Variants in GRIA2 observed in about 807,000 individuals in gnomAD.
GRIA2 encodes the protein glutamate receptor 2.
GRIA2 carries 14 observed loss-of-function variants against 97.3 expected under a neutral mutation model. That is an observed-to-expected ratio of 0.14 (90% CI 0.10 to 0.23). The LOEUF is 0.23. Among genes scored for constraint, GRIA2 ranks in the 10% least tolerant of loss-of-function variants. The pLI is 1.00. For synonymous variants in GRIA2, 412 were observed against 387.8 expected (o/e 1.06, Z -0.73); for missense variants, 558 against 1,069.8 (o/e 0.52, Z 6.67).
chr4:157,280,261 G>A lies in GRIA2; in HGVS notation c.230-23291G>A, dbSNP rs1181724935. 2.0e-5 allele frequency among the ~76,000 whole-genome samples: 3 copies of A among 152,052 alleles called. No individual in the cohort carries two copies. In the East Asian group the frequency reaches 5.8e-4, roughly 29 times the overall value. ...ATACCCTTATTAATGAAATGTCAAG[G>A]AACTGTGATGCTTGAGAGTTGAAGA... On this transcript the variant is annotated intron_variant, in intron 2 of 15. Coordinates refer to ENST00000264426, the MANE Select transcript of GRIA2 (RefSeq NM_001083619.3).
At chr4:157,241,135 T>A (rs1561005890) in intron 2 of GRIA2, among the ~76,000 whole-genome samples, 3 of 152,144 alleles carry the variant, frequency 2.0e-5, no homozygotes, top group African/African-American at 7.2e-5. Context: ...GTAAATTATC[T>A]GAGTATTTGC....
At chr4:157,348,456 C>T (rs899111104) in intron 12 of GRIA2, among the ~76,000 whole-genome samples, 9 of 152,132 alleles carry the variant, frequency 5.9e-5, no homozygotes, top group African/African-American at 2.2e-4. Flanking sequence ...CCAGGCTGGT[C>T]TCGAGCTCCT....
rs1218234586 is a variant in GRIA2 at position 157,365,942 on chromosome 4, G to T, written c.*2511G>T. 2 of 151,500 alleles carry T rather than the reference G, an allele frequency of 1.3e-5. No individual in the cohort carries two copies. The highest frequency in any genetic ancestry group is 1.3e-4 in the Admixed American group (2 of 15,148). The allele number at this position is 151,500 out of a possible 1,614,324, so 9.4% of individuals were successfully genotyped here. A position where few individuals can be genotyped will look rare whatever the true frequency, so the allele number is the denominator to read the frequency against. On this transcript the variant is annotated 3_prime_UTR_variant, in exon 16 of 16. Coordinates refer to ENST00000264426, the MANE Select transcript of GRIA2 (RefSeq NM_001083619.3). ...TCTATAACTTCTATTGAAGATATTG[G>T]AATTTCCAATTTTTCATGTGTACTA...
chr4:157,273,904 C>T (rs1703647656), intron 2 of GRIA2, among the ~76,000 whole-genome samples: 1 of 151,900 alleles, frequency 6.6e-6, no homozygotes, highest in Non-Finnish European at 1.5e-5. Flanking sequence ...GCCATAAAAC[C>T]CCATACCTAT....
rs1461722277 is a variant in GRIA2 at position 157,363,610 on chromosome 4, C to T, written c.*179C>T. On this transcript the variant is annotated 3_prime_UTR_variant, in exon 16 of 16. Transcript: ENST00000264426. Reference sequence around the variant, plus strand: ...ACTGATCTCTCGTGATTGATAAGAACCTTTTGAGTGCCTTACACAATGGTT... The same window carrying T: ...ACTGATCTCTCGTGATTGATAAGAATCTTTTGAGTGCCTTACACAATGGTT... 9 of 1,225,372 alleles carry T rather than the reference C, an allele frequency of 7.3e-6. No homozygotes were observed. Among genetic ancestry groups the T allele is most frequent in the Middle Eastern group, 2.1e-4 (1 of 4,806 alleles). The allele number at this position is 1,225,372 out of a possible 1,614,324, so 75.9% of individuals were successfully genotyped here.
chr4:157,221,306 A>T, intron 1 of GRIA2, 176 bp downstream of exon 1: 1 of 589,916 alleles, frequency 1.7e-6, no homozygotes. Flanking sequence ...GGAAAAGACT[A>T]TGCCTTTGAT....
chr4:157,257,095 A>G (rs1266864867), intron 2 of GRIA2, among the ~76,000 whole-genome samples: 1 of 152,090 alleles, frequency 6.6e-6, no homozygotes, highest in Non-Finnish European at 1.5e-5. Context: ...TGCTTTCAAA[A>G]TAACCCAAGT....
chr4:157,291,791 T>C (rs1733117318), intron 2 of GRIA2, among the ~76,000 whole-genome samples: 2 of 151,858 alleles, frequency 1.3e-5, no homozygotes, highest in Admixed American at 1.3e-4. Context: ...ATCATTGCTT[T>C]CTCACCTAGA....
intron 12 of GRIA2, among the ~76,000 whole-genome samples, chr4:157,355,755 TATA>T (rs1373907022): frequency 1.8e-5 from 1 of 55,512 alleles, no homozygotes; most frequent in South Asian, 1.4e-3. Flanking sequence ...TATATTTACA[TATA>T]TTAGTTATAT....
At chr4:157,345,964 T>C (rs77710451) in intron 12 of GRIA2, among the ~76,000 whole-genome samples, 2,190 of 152,276 alleles carry the variant, frequency 0.014, 58 homozygotes, top group African/African-American at 0.05. Flanking sequence ...CTCAGCATTG[T>C]AGACTTTTTA....
At chr4:157,326,613 G>A (rs1218009694) in intron 6 of GRIA2, among the ~76,000 whole-genome samples, 2 of 152,176 alleles carry the variant, frequency 1.3e-5, no homozygotes, top group Non-Finnish European at 2.9e-5. Context: ...GAGACCTGAA[G>A]AAGTAGGAGT....
At position 157,221,225 on chromosome 4, in the gene GRIA2, T is replaced by C. The variant is rs547859587; in HGVS notation, c.88+95T>C. On this transcript the variant is annotated intron_variant, in intron 1 of 15. Coordinates refer to ENST00000264426, the MANE Select transcript of GRIA2 (RefSeq NM_001083619.3). ...AATTAATTCATGTCATGTAGACTTA[T>C]GTCATACCTTGACTGCATTCCAGAT... 21 of 750,400 alleles carry C rather than the reference T, an allele frequency of 2.8e-5. 1 individual carries two copies. The South Asian group carries it at 3.0e-4, about 11-fold the overall frequency. The allele number at this position is 750,400 out of a possible 1,614,324, so 46.5% of individuals were successfully genotyped here.
chr4:157,277,856 ATATATATGTATATATG>A (rs995705559), intron 2 of GRIA2, among the ~76,000 whole-genome samples: 1 of 143,446 alleles, frequency 7.0e-6, no homozygotes, highest in African/African-American at 2.7e-5. Flanking sequence ...GTATATATGT[ATATATATGTATATATG>A]TATATATATG....
chr4:157,230,037 C>G (rs1579288496), intron 2 of GRIA2, among the ~76,000 whole-genome samples: 1 of 151,874 alleles, frequency 6.6e-6, no homozygotes, highest in East Asian at 1.9e-4. Flanking sequence ...ATTCTTTATC[C>G]CTACAAGAAT....
rs142355759 is a variant in GRIA2 at position 157,292,403 on chromosome 4, G to T, written c.230-11149G>T. ...TAATATCCAGATATTAATATTAGAA[G>T]AATTTAATGTAAAAGGGATAGTTAA... On this transcript the variant is annotated intron_variant, in intron 2 of 15. Coordinates refer to ENST00000264426, the MANE Select transcript of GRIA2 (RefSeq NM_001083619.3). Among the ~76,000 whole-genome samples, 4 of 152,014 alleles carry T rather than the reference G, an allele frequency of 2.6e-5. No individual in the cohort carries two copies. In the East Asian group the frequency reaches 7.8e-4, roughly 30 times the overall value.
At chr4:157,252,050 A>C (rs941834159) in intron 2 of GRIA2, among the ~76,000 whole-genome samples, 1 of 152,152 alleles carries the variant, frequency 6.6e-6, no homozygotes, top group Non-Finnish European at 1.5e-5. Context: ...AGTCATCTTC[A>C]TCCCTGCCAC....
intron 2 of GRIA2, among the ~76,000 whole-genome samples, chr4:157,225,142 A>T (rs114194870): frequency 1.8e-3 from 276 of 152,224 alleles, no homozygotes; most frequent in African/African-American, 6.4e-3. Flanking sequence ...GGTTAAGGTT[A>T]TACAAAGAAA....
At chr4:157,268,119 C>G (rs1035556693) in intron 2 of GRIA2, among the ~76,000 whole-genome samples, 8 of 152,040 alleles carry the variant, frequency 5.3e-5, no homozygotes, top group Admixed American at 3.9e-4. Context: ...AAAATACAAA[C>G]AGATCCAAGG....
intron 2 of GRIA2, among the ~76,000 whole-genome samples, chr4:157,289,897 A>G (rs1733017493): frequency 6.6e-6 from 1 of 151,778 alleles, no homozygotes; most frequent in African/African-American, 2.4e-5. Context: ...GTCTATTGAA[A>G]TGTATTTTCA....
Sources: gnomAD v4.1 joint callset for allele counts (sites outside exome capture counted in the v4.1 genomes callset) on GRCh38, gnomAD v4.1.1 for gene constraint, MANE v1.5 for transcripts, NCBI Gene and HGNC (gene_info 2026-07-23, HGNC 2026-07-21) for gene names.